BMP7: variants seen among roughly 807,000 people sequenced by gnomAD.
The protein encoded by BMP7 is bone morphogenetic protein 7, also known as osteogenic protein 1.
A neutral mutation model predicts 41.2 loss-of-function variants in BMP7; 12 were observed. The observed-to-expected ratio is 0.29, with a 90% CI of 0.19 to 0.47. BMP7 has a LOEUF of 0.47. Ranked by LOEUF, BMP7 falls within the 20% of genes least tolerant of loss-of-function variation. The pLI is 0.99. For missense variants in BMP7, 467 were observed against 606.0 expected (o/e 0.77, Z 2.41); for synonymous variants, 248 against 250.0 (o/e 0.99, Z 0.07).
intron 2 of BMP7, among the ~76,000 whole-genome samples, chr20:57,223,623 A>G (rs562422389): frequency 6.6e-6 from 1 of 152,318 alleles, no homozygotes; most frequent in South Asian, 2.1e-4. Context: ...CCCACCTCTG[A>G]GCCAGGCTCC....
Position 57,170,975 on chromosome 20 carries a change from G to T in BMP7, c.1280C>A (p.Ala427Asp). The T allele has an allele frequency of 6.2e-7, 1 of 1,613,660 alleles. No homozygotes were observed. Among genetic ancestry groups the T allele is most frequent in the Non-Finnish European group, 8.5e-7 (1 of 1,179,852 alleles). Residue 427 changes from alanine (A) to aspartate (D), a missense_variant, in exon 7 of 7, where the codon GCC (alanine) becomes GAC (aspartate). This residue lies in a region of BMP7 where 60 missense variants were observed against 120.1 expected (regional missense o/e 0.50). Transcript: ENST00000395863. ...TCGGAGGAGCTAGTGGCAGCCACAG[G>T]CCCGGACCACCATGTTTCTGTATTT... ...LKKYRNMVVR[A>D]CGCH
At chr20:57,205,949 G>A (rs1017334800) in intron 2 of BMP7, among the ~76,000 whole-genome samples, 13 of 152,128 alleles carry the variant, frequency 8.5e-5, no homozygotes, top group African/African-American at 2.7e-4. Context: ...TGCTGAGATG[G>A]GTCGAGTGTG....
intron 3 of BMP7, among the ~76,000 whole-genome samples, chr20:57,189,439 C>T (rs1219570897): frequency 2.0e-5 from 3 of 152,216 alleles, no homozygotes; most frequent in African/African-American, 2.4e-5. Flanking sequence ...AAGGTGGGGG[C>T]AGCAGAAGCA....
At chr20:57,216,439 C>T (rs1309934703) in intron 2 of BMP7, among the ~76,000 whole-genome samples, 1 of 152,078 alleles carries the variant, frequency 6.6e-6, no homozygotes, top group African/African-American at 2.4e-5. Flanking sequence ...GACTTCAGCC[C>T]GTCAGAACCT....
intron 1 of BMP7, among the ~76,000 whole-genome samples, chr20:57,247,066 T>C (rs1385350400): frequency 3.3e-5 from 5 of 152,120 alleles, no homozygotes; most frequent in Non-Finnish European, 7.4e-5. Flanking sequence ...GGGATGATTA[T>C]TACAATGGCT....
At chr20:57,200,725 G>T (rs771779790) in intron 3 of BMP7, among the ~76,000 whole-genome samples, 1 of 152,194 alleles carries the variant, frequency 6.6e-6, no homozygotes, top group Admixed American at 6.5e-5. Flanking sequence ...AACCTGGGAG[G>T]CGGAGGTTAT....
intron 1 of BMP7, among the ~76,000 whole-genome samples, chr20:57,236,221 T>C (rs2066047063): frequency 6.6e-6 from 1 of 152,118 alleles, no homozygotes; most frequent in Non-Finnish European, 1.5e-5. Flanking sequence ...AGACAATTGA[T>C]TAAAAGCAAG....
chr20:57,176,787 C>CACACACACAG (rs1983933924), intron 4 of BMP7, among the ~76,000 whole-genome samples: 1 of 150,088 alleles, frequency 6.7e-6, no homozygotes, highest in African/African-American at 2.4e-5. Context: ...CACACACACA[C>CACACACACAG]ACACCTGTTA....
At position 57,257,960 on chromosome 20, in the gene BMP7, A is replaced by T. The variant is rs186359983; in HGVS notation, c.418+7745T>A. The stretch of plus-strand genomic sequence containing the variant: ...TTTTTCTTCATGTAGTCCAAGCTAC[A>T]TGAAAGCAGAAGACAGGCTGGAAGC... On this transcript the variant is annotated intron_variant, in intron 1 of 6. Transcript: ENST00000395863. 2.1e-3 allele frequency among the ~76,000 whole-genome samples: 324 copies of T among 152,288 alleles called. 2 individuals are homozygous for T. The highest frequency in any genetic ancestry group is 9.1e-3 in the East Asian group (47 of 5,190).
intron 1 of BMP7, among the ~76,000 whole-genome samples, chr20:57,264,559 G>C (rs534807778): frequency 2.0e-4 from 31 of 152,290 alleles, no homozygotes; most frequent in Admixed American, 1.4e-3. Context: ...CCCCAGGCTC[G>C]CGTCGCCGGG....
At chr20:57,192,728 C>T (rs1212281270) in intron 3 of BMP7, among the ~76,000 whole-genome samples, 4 of 146,170 alleles carry the variant, frequency 2.7e-5, no homozygotes, top group Non-Finnish European at 6.0e-5. Flanking sequence ...TTAAAGCCTG[C>T]AGATTTGCCC....
chr20:57,217,921 G>T (rs1985070570), intron 2 of BMP7, among the ~76,000 whole-genome samples: 1 of 152,206 alleles, frequency 6.6e-6, no homozygotes, highest in Non-Finnish European at 1.5e-5. Context: ...GTGTTTCTGT[G>T]GATCTGTCTG....
At chr20:57,235,448 CA>C (rs1447838502) in intron 1 of BMP7, among the ~76,000 whole-genome samples, 2 of 152,152 alleles carry the variant, frequency 1.3e-5, no homozygotes, top group Non-Finnish European at 2.9e-5. Flanking sequence ...TCCATGTCAA[CA>C]ATTTTGGGGA....
chr20:57,241,645 G>C (rs916482787), intron 1 of BMP7, among the ~76,000 whole-genome samples: 2 of 152,216 alleles, frequency 1.3e-5, no homozygotes, highest in African/African-American at 4.8e-5. Context: ...TTAGGTGCTG[G>C]GGGGCTGCGT....
At chr20:57,198,214 T>G (rs1387929774) in intron 3 of BMP7, among the ~76,000 whole-genome samples, 1 of 138,524 alleles carries the variant, frequency 7.2e-6, no homozygotes, top group Non-Finnish European at 1.5e-5. Context: ...CTCCTCTCAC[T>G]CTCCTCTCCC....
At chr20:57,218,366 G>A (rs779531053) in intron 2 of BMP7, among the ~76,000 whole-genome samples, 3 of 135,190 alleles carry the variant, frequency 2.2e-5, no homozygotes, top group Admixed American at 7.6e-5. Flanking sequence ...GCACCACCTC[G>A]GACAGATGTG....
At position 57,202,590 on chromosome 20, in the gene BMP7, G is replaced by A; in HGVS notation, c.645C>T (p.Thr215=). The A allele has an allele frequency of 6.2e-7, 1 of 1,612,446 alleles. No homozygotes were observed. The highest frequency in any genetic ancestry group is 8.5e-7 in the Non-Finnish European group (1 of 1,179,998). ...ESDLFLLDSR[T]LWASEEGWLV... Reference sequence around the variant, plus strand: ...GCCAGCCCTCCTCCGAGGCCCAGAGGGTACGGCTGTCGAGCAGGAAGAGAT... The same window carrying A: ...GCCAGCCCTCCTCCGAGGCCCAGAGAGTACGGCTGTCGAGCAGGAAGAGAT... Residue 215 remains threonine (T), a synonymous_variant, in exon 3 of 7, where the codon ACC becomes ACT. Transcript: ENST00000395863.
intron 2 of BMP7, among the ~76,000 whole-genome samples, chr20:57,208,029 C>T (rs1358095642): frequency 6.6e-6 from 1 of 151,864 alleles, no homozygotes; most frequent in African/African-American, 2.4e-5. Context: ...CGGGGTTTCA[C>T]CTTGTTAGCC....
At chr20:57,212,495 G>A (rs987013430) in intron 2 of BMP7, among the ~76,000 whole-genome samples, 16 of 152,158 alleles carry the variant, frequency 1.1e-4, no homozygotes, top group Non-Finnish European at 1.8e-4. Flanking sequence ...TCTGACCCTC[G>A]CCCTCGCCTC....
Sources: allele counts gnomAD v4.1 joint callset (sites outside exome capture counted in the v4.1 genomes callset), GRCh38; gene constraint gnomAD v4.1.1; regional missense constraint gnomAD v4.1.1; transcripts MANE v1.5; gene names NCBI Gene and HGNC (gene_info 2026-07-23, HGNC 2026-07-21).